The following MAPRE2 variants were observed in gnomAD, a reference collection of about 807,000 sequenced individuals.
The protein encoded by MAPRE2 is microtubule associated protein RP/EB family member 2.
MAPRE2 carries 13 observed loss-of-function variants against 43.2 expected under a neutral mutation model. The ratio of observed to expected loss-of-function variants is 0.30; its 90% CI spans 0.20 to 0.48. The LOEUF (loss-of-function observed/expected upper bound fraction) is 0.48. Among genes scored for constraint, MAPRE2 ranks in the 20% least tolerant of loss-of-function variants. The pLI, the probability that MAPRE2 is intolerant of heterozygous loss-of-function variation, is 0.99. For synonymous variants in MAPRE2, 135 were observed against 148.8 expected, an observed-to-expected ratio of 0.91 and a Z score of 0.68; for missense variants, 161 against 400.2, an observed-to-expected ratio of 0.40 and a Z score of 5.10.
rs367772721 is a variant in MAPRE2 at position 35,056,254 on chromosome 18, A to G, written c.123-13941A>G. ...TAATTAATCCTTTGTAGCATTATAC[A>G]TATATAAATATACATAATGAACCCA... On this transcript the variant is annotated intron_variant, in intron 1 of 6. Transcript: ENST00000300249. Among the ~76,000 whole-genome samples, 18 of 152,272 alleles carry G rather than the reference A, an allele frequency of 1.2e-4. No homozygotes were observed. The South Asian group carries it at 1.2e-3, about 11-fold the overall frequency.
intron 1 of MAPRE2, chr18:34,978,257 G>T: frequency 1.8e-6 from 1 of 559,064 alleles, no homozygotes; most frequent in Non-Finnish European, 3.1e-6. Context: ...GACCCGCTAG[G>T]CAGGAAGAGG....
intron 1 of MAPRE2, among the ~76,000 whole-genome samples, chr18:34,990,182 G>T (rs551280367): frequency 3.3e-5 from 5 of 152,308 alleles, no homozygotes; most frequent in East Asian, 1.9e-4. Context: ...ACTACAGTTT[G>T]TTAGAGGGTC....
intron 4 of MAPRE2, among the ~76,000 whole-genome samples, chr18:35,126,182 G>C (rs1034798948): frequency 1.3e-5 from 2 of 152,062 alleles, no homozygotes; most frequent in African/African-American, 2.4e-5. Context: ...AGTCATTATA[G>C]ATTAATAGAT....
At chr18:35,135,930 A>T (rs1418720924) in intron 6 of MAPRE2, among the ~76,000 whole-genome samples, 3 of 152,246 alleles carry the variant, frequency 2.0e-5, no homozygotes, top group Non-Finnish European at 4.4e-5. Flanking sequence ...TCAGCTAAAC[A>T]TAGATGGACA....
At chr18:35,015,817 T>A (rs1289602767) in intron 2 of MAPRE2, among the ~76,000 whole-genome samples, 1 of 151,992 alleles carries the variant, frequency 6.6e-6, no homozygotes, top group Admixed American at 6.6e-5. Context: ...ACATTTCTAC[T>A]TTTATTTTAG....
At chr18:35,000,841 G>A (rs2097028937) in intron 1 of MAPRE2, among the ~76,000 whole-genome samples, 3 of 152,194 alleles carry the variant, frequency 2.0e-5, no homozygotes, top group Non-Finnish European at 4.4e-5. Context: ...GTTCCTCTGT[G>A]TGTGTTGGCG....
intron 1 of MAPRE2, among the ~76,000 whole-genome samples, chr18:34,996,622 A>G (rs1462183404): frequency 2.8e-4 from 42 of 152,156 alleles, no homozygotes; most frequent in Non-Finnish European, 6.2e-4. Context: ...TCATACATCT[A>G]TGAGATGGGA....
intron 1 of MAPRE2, among the ~76,000 whole-genome samples, chr18:34,999,246 A>G (rs2097028138): frequency 6.6e-6 from 1 of 152,220 alleles, no homozygotes; most frequent in South Asian, 2.1e-4. Flanking sequence ...AAAAATGGAT[A>G]AAAGGATAAG....
chr18:35,082,905 T>A (rs1031348895), intron 2 of MAPRE2, among the ~76,000 whole-genome samples: 6 of 152,160 alleles, frequency 3.9e-5, no homozygotes, highest in African/African-American at 1.4e-4. Context: ...CACTTATAGT[T>A]GTTTTGTATT....
intron 1 of MAPRE2, among the ~76,000 whole-genome samples, chr18:35,057,252 T>C (rs183417950): frequency 8.5e-4 from 130 of 152,158 alleles, no homozygotes; most frequent in African/African-American, 3.0e-3. Context: ...TGACCTCAGG[T>C]GATCAACCCG....
chr18:35,005,877 AT>A (rs1363758215), intron 2 of MAPRE2, among the ~76,000 whole-genome samples: 2 of 152,188 alleles, frequency 1.3e-5, no homozygotes. Context: ...TGACATCGCT[AT>A]TTATAAATAA....
intron 1 of MAPRE2, among the ~76,000 whole-genome samples, chr18:34,989,869 T>G (rs1198448917): frequency 6.6e-6 from 1 of 152,200 alleles, no homozygotes; most frequent in Non-Finnish European, 1.5e-5. Context: ...TTGTTTGGCA[T>G]TAATATTTGA....
chr18:35,111,035 C>G (rs1367641482), intron 4 of MAPRE2, among the ~76,000 whole-genome samples: 1 of 151,984 alleles, frequency 6.6e-6, no homozygotes. Flanking sequence ...TTTTTCAGCT[C>G]CATTCTTTCT....
chr18:35,049,212 C>T (rs901818376), intron 1 of MAPRE2, among the ~76,000 whole-genome samples: 3 of 152,132 alleles, frequency 2.0e-5, no homozygotes, highest in Non-Finnish European at 4.4e-5. Context: ...TGATTATAAA[C>T]AGTGGTATCC....
At chr18:35,031,091 G>T (rs557988051) in intron 2 of MAPRE2, among the ~76,000 whole-genome samples, 1 of 152,142 alleles carries the variant, frequency 6.6e-6, no homozygotes, top group Non-Finnish European at 1.5e-5. Flanking sequence ...TGCTTTAGTT[G>T]TCTCTATAGC....
chr18:34,999,324 G>GT (rs1226090015), intron 1 of MAPRE2, among the ~76,000 whole-genome samples: 1 of 152,134 alleles, frequency 6.6e-6, no homozygotes, highest in East Asian at 1.9e-4. Flanking sequence ...CATATATGTA[G>GT]TTTTGTCTCA....
intron 5 of MAPRE2, 23 bp downstream of exon 5, chr18:35,127,110 G>A (rs1313362312): frequency 1.9e-6 from 3 of 1,613,604 alleles, no homozygotes; most frequent in African/African-American, 2.7e-5. Context: ...CTCTGGCCAC[G>A]CCTCTAGGAG....
chr18:34,985,280 ATATT>A (rs2097019218), intron 1 of MAPRE2, among the ~76,000 whole-genome samples: 8 of 44,072 alleles, frequency 1.8e-4, no homozygotes, highest in African/African-American at 7.5e-4. Flanking sequence ...ATAATATAAT[ATATT>A]ATATATTATA....
At chr18:35,007,874 T>C (rs555119667) in intron 2 of MAPRE2, among the ~76,000 whole-genome samples, 6 of 152,108 alleles carry the variant, frequency 3.9e-5, no homozygotes, top group Non-Finnish European at 7.4e-5. Context: ...GGATTCCAGA[T>C]CCGCAACCAA....
Sources: allele counts gnomAD v4.1 joint callset (sites outside exome capture counted in the v4.1 genomes callset), GRCh38; gene constraint gnomAD v4.1.1; transcripts MANE v1.5; gene names NCBI Gene and HGNC (gene_info 2026-07-23, HGNC 2026-07-21).